Variants in ARID1B observed in about 807,000 individuals in gnomAD.
The protein encoded by ARID1B is AT-rich interactive domain-containing protein 1B.
Under a neutral mutation model 212.3 loss-of-function variants are expected in ARID1B, and 30 were observed. That is an observed-to-expected ratio of 0.14 (90% CI 0.11 to 0.19). The LOEUF (loss-of-function observed/expected upper bound fraction) is 0.19. ARID1B is among the 10% of genes least tolerant of loss of function. The pLI is 1.00. For synonymous variants in ARID1B, 1,402 were observed against 1,301.7 expected (o/e 1.08, Z -1.66); for missense variants, 2,891 against 3,204.0 (o/e 0.90, Z 2.36).
intron 8 of ARID1B, among the ~76,000 whole-genome samples, chr6:157,157,439 C>G (rs1323737404): frequency 1.3e-5 from 2 of 152,236 alleles, no homozygotes; most frequent in Non-Finnish European, 2.9e-5. Context: ...TGATGCCAAC[C>G]TGCCAGGTGT....
chr6:157,023,603 A>G (rs1008229483), intron 4 of ARID1B: 2 of 152,236 alleles, frequency 1.3e-5, no homozygotes, highest in Non-Finnish European at 2.9e-5. Context: ...CTGACGTTGT[A>G]GGTACATCTA....
intron 6 of ARID1B, among the ~76,000 whole-genome samples, chr6:157,130,950 C>G (rs1237666200): frequency 2.0e-5 from 3 of 152,200 alleles, no homozygotes; most frequent in Non-Finnish European, 4.4e-5. Context: ...ATAATGTCAG[C>G]TTTTTCTCAA....
intron 4 of ARID1B, chr6:156,936,603 T>C (rs1170988860): frequency 7.1e-6 from 1 of 141,266 alleles, no homozygotes; most frequent in African/African-American, 2.7e-5. Context: ...GAGGTTGCAG[T>C]GAGCCGAGAT....
intron 4 of ARID1B, among the ~76,000 whole-genome samples, chr6:156,957,708 C>T (rs1025118740): frequency 3.9e-5 from 6 of 152,102 alleles, no homozygotes; most frequent in East Asian, 1.9e-4. Context: ...TTTTCTCCCA[C>T]GAGTCTCAAA....
At chr6:157,112,412 T>C (rs945033600) in intron 6 of ARID1B, among the ~76,000 whole-genome samples, 34 of 152,158 alleles carry the variant, frequency 2.2e-4, no homozygotes, top group African/African-American at 7.5e-4. Context: ...TGGGTCACTG[T>C]GGGGAAAAAG....
At chr6:157,049,812 T>A (rs2128552623) in intron 4 of ARID1B, among the ~76,000 whole-genome samples, 1 of 152,358 alleles carries the variant, frequency 6.6e-6, no homozygotes, top group Non-Finnish European at 1.5e-5. Flanking sequence ...ATTTTCTTTT[T>A]AAATCTTCAC....
intron 5 of ARID1B, among the ~76,000 whole-genome samples, chr6:157,104,664 A>G (rs946988247): frequency 7.2e-5 from 11 of 152,222 alleles, no homozygotes; most frequent in African/African-American, 2.7e-4. Context: ...AACAAGGAAG[A>G]CTACGTGCTT....
chr6:156,934,667 A>T (rs907258436), intron 3 of ARID1B, among the ~76,000 whole-genome samples: 1 of 152,042 alleles, frequency 6.6e-6, no homozygotes, highest in Admixed American at 6.5e-5. Context: ...ACCTGTTAAG[A>T]TATAGTTGAT....
intron 4 of ARID1B, among the ~76,000 whole-genome samples, chr6:157,068,813 A>G (rs1783837134): frequency 6.6e-6 from 1 of 152,220 alleles, no homozygotes; most frequent in African/African-American, 2.4e-5. Flanking sequence ...GCAGCTATCA[A>G]TATCTGCGCT....
At chr6:157,131,102 T>C (rs1788516030) in intron 6 of ARID1B, among the ~76,000 whole-genome samples, 1 of 152,226 alleles carries the variant, frequency 6.6e-6, no homozygotes, top group East Asian at 1.9e-4. Context: ...TCTTTATCCA[T>C]TTGAATCATC....
intron 1 of ARID1B, among the ~76,000 whole-genome samples, chr6:156,821,212 A>G (rs1377702883): frequency 2.0e-5 from 3 of 152,172 alleles, no homozygotes; most frequent in Non-Finnish European, 4.4e-5. Context: ...CAACTCCCCA[A>G]GTGTCTGATA....
intron 2 of ARID1B, among the ~76,000 whole-genome samples, chr6:156,897,215 G>GCTTCTTCTT (rs1297724982): frequency 1.5e-3 from 115 of 76,008 alleles, no homozygotes; most frequent in East Asian, 2.7e-3. Flanking sequence ...TGCTGCTGCT[G>GCTTCTTCTT]CTGCTTCTTC....
chr6:157,014,830 C>A (rs1031905085), intron 4 of ARID1B, among the ~76,000 whole-genome samples: 1 of 151,146 alleles, frequency 6.6e-6, no homozygotes, highest in Non-Finnish European at 1.5e-5. Context: ...TAAAAAATTA[C>A]CAATTACCTT....
chr6:156,925,876 A>G lies in ARID1B; in HGVS notation c.2137-9590A>G, dbSNP rs555959120. 5.3e-5 allele frequency among the ~76,000 whole-genome samples: 8 copies of G among 152,280 alleles called. No individual in the cohort carries two copies. The East Asian group carries it at 1.5e-3, about 29-fold the overall frequency. ...CCACCCCTGTTCTTTGAGCACCATG[A>G]GCCTGAGATAGACAAGCAGGAGGAG... On this transcript the variant is annotated intron_variant, in intron 3 of 19. Coordinates refer to ENST00000636930, the MANE Select transcript of ARID1B (RefSeq NM_001374828.1).
rs1781419265 is a variant in ARID1B at position 157,037,671 on chromosome 6, G to C, written c.2248-46991G>C. Among the ~76,000 whole-genome samples the C allele has an allele frequency of 2.0e-5, 3 of 152,234 alleles. No homozygotes were observed. In the East Asian group the frequency reaches 5.8e-4, roughly 29 times the overall value. On this transcript the variant is annotated intron_variant, in intron 4 of 19. Coordinates refer to ENST00000636930, the MANE Select transcript of ARID1B (RefSeq NM_001374828.1). ...TATAAAAAATGGTAAGCTATTAAAA[G>C]ATTTTAAGCCAGGTAGTGGTCAGAT...
intron 17 of ARID1B, among the ~76,000 whole-genome samples, 197 bp downstream of exon 17, chr6:157,199,104 A>G (rs1793934871): frequency 6.6e-6 from 1 of 152,248 alleles, no homozygotes; most frequent in Admixed American, 6.5e-5. Flanking sequence ...AACTCTTGAT[A>G]CACGGTTTCT....
intron 8 of ARID1B, among the ~76,000 whole-genome samples, chr6:157,153,571 T>G (rs564839256): frequency 2.6e-5 from 4 of 152,350 alleles, no homozygotes; most frequent in African/African-American, 7.2e-5. Flanking sequence ...CTCTGTAGCA[T>G]CATTTTGGAG....
intron 5 of ARID1B, among the ~76,000 whole-genome samples, chr6:157,099,057 A>T (rs1220895390): frequency 1.3e-5 from 2 of 152,080 alleles, no homozygotes; most frequent in East Asian, 3.9e-4. Flanking sequence ...TCCGCCTCTC[A>T]GGTTTAAGCA....
intron 5 of ARID1B, among the ~76,000 whole-genome samples, chr6:157,090,488 A>C (rs530788754): frequency 5.9e-5 from 9 of 152,322 alleles, no homozygotes; most frequent in Admixed American, 5.2e-4. Context: ...ATAATAGATT[A>C]GGGTCAAAAA....
Sources: gnomAD v4.1 joint callset for allele counts (sites outside exome capture counted in the v4.1 genomes callset) on GRCh38, gnomAD v4.1.1 for gene constraint, MANE v1.5 for transcripts, NCBI Gene and HGNC (gene_info 2026-07-23, HGNC 2026-07-21) for gene names.